AK4: variants seen among roughly 807,000 people sequenced by gnomAD.
AK4 encodes the protein adenylate kinase 4, mitochondrial.
In AK4, 13 loss-of-function variants were observed where a neutral mutation model predicts 24.6. The observed-to-expected ratio is 0.53, with a 90% CI of 0.34 to 0.84. The LOEUF (loss-of-function observed/expected upper bound fraction) is 0.84, where lower values mean the gene tolerates loss of function less well. Among genes scored for constraint, AK4 ranks in the 40% least tolerant of loss-of-function variants. The pLI is 0.01. For missense variants in AK4, 192 were observed against 288.2 expected, an observed-to-expected ratio of 0.67 and a Z score of 2.42; for synonymous variants, 88 against 107.0, an observed-to-expected ratio of 0.82 and a Z score of 1.10.
chr1:65,194,658 C>G, intron 2 of AK4, among the ~76,000 whole-genome samples: 1 of 152,324 alleles, frequency 6.6e-6, no homozygotes, highest in East Asian at 1.9e-4. Context: ...GACAGGGTTT[C>G]ACCATGGTGG....
At chr1:65,154,310 C>T (rs994102394) in intron 1 of AK4, among the ~76,000 whole-genome samples, 5 of 152,178 alleles carry the variant, frequency 3.3e-5, no homozygotes, top group African/African-American at 9.7e-5. Context: ...TTGCCCTGAG[C>T]GCCTGCCTGG....
At chr1:65,190,936 T>C in intron 2 of AK4, 107 bp downstream of exon 2, 1 of 1,356,402 alleles carries the variant, frequency 7.4e-7, no homozygotes, top group East Asian at 2.6e-5. Context: ...TTCTAAACTT[T>C]CTGTCATTTA....
At chr1:65,150,587 G>A (rs1649738839) in intron 1 of AK4, among the ~76,000 whole-genome samples, 1 of 152,136 alleles carries the variant, frequency 6.6e-6, no homozygotes, top group Non-Finnish European at 1.5e-5. Flanking sequence ...TAGGCTTACT[G>A]CCTGGTAAAT....
chr1:65,158,166 T>C (rs906549306), intron 1 of AK4, among the ~76,000 whole-genome samples: 3 of 152,160 alleles, frequency 2.0e-5, no homozygotes, highest in African/African-American at 7.2e-5. Context: ...TACATACACA[T>C]AGTGGCATTG....
intron 2 of AK4, among the ~76,000 whole-genome samples, chr1:65,206,445 A>T (rs1651814089): frequency 6.6e-6 from 1 of 152,206 alleles, no homozygotes; most frequent in South Asian, 2.1e-4. Context: ...ATGGGGACTT[A>T]TATTCAAAGA....
In AK4 at chr1:65,229,141, G is replaced by A. The variant is rs1652559012; in HGVS notation, c.*2964G>A. 1 of 152,070 alleles carries A rather than the reference G, an allele frequency of 6.6e-6. No individual in the cohort carries two copies. Among genetic ancestry groups the A allele is most frequent in the Non-Finnish European group, 1.5e-5 (1 of 68,024 alleles). 9.4% of individuals were successfully genotyped at this position (152,070 alleles called of 1,614,324 possible). The stretch of plus-strand genomic sequence containing the variant: ...CCAGTGTAGCCAGGACTCCAGCCCA[G>A]GTTTTCCTGACTCAGAAGACTGAGC... On this transcript the variant is annotated 3_prime_UTR_variant, in exon 5 of 5. Coordinates refer to ENST00000327299, the MANE Select transcript of AK4 (RefSeq NM_013410.4).
Position 65,229,398 on chromosome 1 carries a change from G to A in AK4, c.*3221G>A, listed in dbSNP as rs182325281. Reference sequence around the variant, plus strand: ...AAAAGTAAAAAATTAGCCAGTCATGGTGGTGTACACTTATGGTCCTAGTTA... The same window carrying A: ...AAAAGTAAAAAATTAGCCAGTCATGATGGTGTACACTTATGGTCCTAGTTA... On this transcript the variant is annotated 3_prime_UTR_variant, in exon 5 of 5. Transcript: ENST00000327299. 2 of 152,190 alleles carry A rather than the reference G, an allele frequency of 1.3e-5. No individual in the cohort carries two copies. The highest frequency in any genetic ancestry group is 1.3e-4 in the Admixed American group (2 of 15,272). The allele number at this position is 152,190 out of a possible 1,614,324, so 9.4% of individuals were successfully genotyped here.
chr1:65,159,179 T>C (rs1318931095), intron 1 of AK4, among the ~76,000 whole-genome samples: 1 of 152,208 alleles, frequency 6.6e-6, no homozygotes, highest in African/African-American at 2.4e-5. Flanking sequence ...AGCAGTAACC[T>C]GTAACCCTGG....
intron 2 of AK4, among the ~76,000 whole-genome samples, chr1:65,218,430 G>A (rs907296969): frequency 1.3e-5 from 2 of 152,098 alleles, no homozygotes; most frequent in Non-Finnish European, 2.9e-5. Context: ...CTTAATCTTT[G>A]AGTCTTCCAA....
At chr1:65,168,145 C>CT (rs3051710) in intron 1 of AK4, among the ~76,000 whole-genome samples, 45,385 of 125,190 alleles carry the variant, frequency 0.36, 9,861 homozygotes, top group African/African-American at 0.59. Context: ...TCTGCATATT[C>CT]TTTTTTTTTT....
At chr1:65,210,476 C>T (rs371826640) in intron 2 of AK4, among the ~76,000 whole-genome samples, 18 of 152,162 alleles carry the variant, frequency 1.2e-4, no homozygotes, top group African/African-American at 2.9e-4. Flanking sequence ...CCACCCTCCT[C>T]GCCACATACA....
intron 1 of AK4, among the ~76,000 whole-genome samples, chr1:65,167,734 A>T (rs1650380175): frequency 6.6e-6 from 1 of 152,214 alleles, no homozygotes; most frequent in East Asian, 1.9e-4. Flanking sequence ...TCCATTCTAT[A>T]GCAGCTGACA....
At chr1:65,214,125 GTTTT>G (rs1652052373) in intron 2 of AK4, among the ~76,000 whole-genome samples, 1 of 152,004 alleles carries the variant, frequency 6.6e-6, no homozygotes, top group Non-Finnish European at 1.5e-5. Context: ...TTGTTTGTTT[GTTTT>G]GAGATGGAGT....
rs531550563 is a variant in AK4, at chr1:65,148,370, G to T, written c.-38G>T. The stretch of plus-strand genomic sequence containing the variant: ...GGGGCTTCCTCCGGGGCCGCGGTCG[G>T]GGCTGCGCGTTTGACCGCCCCCCTC... On this transcript the variant is annotated 5_prime_UTR_variant, in exon 1 of 5. Coordinates refer to ENST00000327299, the MANE Select transcript of AK4 (RefSeq NM_013410.4). 207 of 1,518,778 alleles carry T rather than the reference G, an allele frequency of 1.4e-4. 8 individuals are homozygous for T. In the Admixed American group the frequency reaches 4.4e-3, roughly 33 times the overall value. The allele number at this position is 1,518,778 out of a possible 1,614,324, so 94.1% of individuals were successfully genotyped here.
chr1:65,225,961 T>C (rs149026313), intron 4 of AK4, 102 bp from the exon 5 acceptor site: 5 of 1,226,422 alleles, frequency 4.1e-6, no homozygotes, highest in Non-Finnish European at 4.6e-6. Context: ...TGGTATATGA[T>C]ATAGACCATG....
chr1:65,153,592 T>C (rs1375330957), intron 1 of AK4, among the ~76,000 whole-genome samples: 1 of 152,094 alleles, frequency 6.6e-6, no homozygotes, highest in Non-Finnish European at 1.5e-5. Flanking sequence ...TTAGAAGTAG[T>C]TTTTTCTGAT....
chr1:65,226,164 A>G lies in AK4; in HGVS notation c.659A>G (p.Lys220Arg), dbSNP rs1652454948. 2 of 1,608,200 alleles carry G rather than the reference A, an allele frequency of 1.2e-6. No individual in the cohort carries two copies. Among genetic ancestry groups the G allele is most frequent in the Non-Finnish European group, 8.5e-7 (1 of 1,177,540 alleles). Residue 220 changes from lysine (K) to arginine (R), a missense_variant, in exon 5 of 5, where the codon AAA becomes AGA. By Grantham distance (26) the Lys-to-Arg change is conservative. Transcript: ENST00000327299. Reference protein sequence around the residue: ...FSNKITPIQSKEAY With the variant: ...FSNKITPIQSREAY ...AACAAGATCACACCTATTCAGTCCA[A>G]AGAAGCATATTGACCCTGCCCAATG... is the stretch of plus-strand genomic sequence containing the variant.
At position 65,194,704 on chromosome 1, in the gene AK4, CG is replaced by C. The variant is rs562196978; in HGVS notation, c.265+3876del. ...CTTGAACTCATGACCTCAGATGATCCGCCCACCTCGGCCTCCCAAAGTGTTG... is the reference window on the plus strand; with the variant it reads ...CTTGAACTCATGACCTCAGATGATCCCCCACCTCGGCCTCCCAAAGTGTTG... On this transcript the variant is annotated intron_variant, in intron 2 of 4. Transcript: ENST00000327299. Among the ~76,000 whole-genome samples the C allele has an allele frequency of 3.9e-5, 6 of 152,316 alleles. No homozygotes were observed. The South Asian group carries it at 1.2e-3, about 32-fold the overall frequency.
Position 65,148,571 on chromosome 1 carries a change from G to A in AK4, c.145+19G>A, listed in dbSNP as rs778429525. 4 of 1,585,830 alleles carry A rather than the reference G, an allele frequency of 2.5e-6. No homozygotes were observed. Among genetic ancestry groups the A allele is most frequent in the African/African-American group, 2.7e-5 (2 of 74,574 alleles). The stretch of plus-strand genomic sequence containing the variant: ...AGCACCGGTGAGGGGCTGCGGGGAC[G>A]AGGGCCGGGGGCGAGCCGCGTTGGG... On this transcript the variant is annotated intron_variant, in intron 1 of 4. Coordinates refer to ENST00000327299, the MANE Select transcript of AK4 (RefSeq NM_013410.4).
Sources: allele counts gnomAD v4.1 joint callset (sites outside exome capture counted in the v4.1 genomes callset), GRCh38; gene constraint gnomAD v4.1.1; transcripts MANE v1.5; gene names NCBI Gene and HGNC (gene_info 2026-07-23, HGNC 2026-07-21).